Variants in ARHGAP20 observed in about 807,000 individuals in gnomAD.
The protein encoded by ARHGAP20 is Rho GTPase activating protein 20, also known as rho GTPase-activating protein 20.
ARHGAP20 carries 34 observed loss-of-function variants against 73.7 expected under a neutral mutation model. That is an observed-to-expected ratio of 0.46 (90% CI 0.35 to 0.61). ARHGAP20 has a LOEUF of 0.61. Among genes scored for constraint, ARHGAP20 ranks in the 20% least tolerant of loss-of-function variants. ARHGAP20 has a pLI of 0.00. For synonymous variants in ARHGAP20, 523 were observed against 518.2 expected, an observed-to-expected ratio of 1.01 and a Z score of -0.13; for missense variants, 1,314 against 1,420.9, an observed-to-expected ratio of 0.92 and a Z score of 1.21.
At chr11:110,684,419 G>A (rs866177477) in intron 2 of ARHGAP20, among the ~76,000 whole-genome samples, 1 of 152,012 alleles carries the variant, frequency 6.6e-6, no homozygotes, top group African/African-American at 2.4e-5. Context: ...CATATTATTG[G>A]TACATACTAA....
At chr11:110,670,085 A>G (rs879680596) in intron 2 of ARHGAP20, among the ~76,000 whole-genome samples, 6 of 152,094 alleles carry the variant, frequency 3.9e-5, no homozygotes, top group Non-Finnish European at 8.8e-5. Context: ...GGAAGGATGG[A>G]TTGCAAAGGC....
At chr11:110,592,234 G>A (rs1947847266) in intron 9 of ARHGAP20, 79 bp from the exon 10 acceptor site, 1 of 1,368,718 alleles carries the variant, frequency 7.3e-7, no homozygotes, top group African/African-American at 1.4e-5. Flanking sequence ...TTTATGGTAT[G>A]TTTGTTGCTA....
At chr11:110,604,834 T>C (rs1948187388) in intron 9 of ARHGAP20, among the ~76,000 whole-genome samples, 1 of 152,186 alleles carries the variant, frequency 6.6e-6, no homozygotes, top group Non-Finnish European at 1.5e-5. Flanking sequence ...TGGTAAAGTA[T>C]AAAGTTTGAG....
At chr11:110,643,618 G>C (rs1949122229) in intron 2 of ARHGAP20, among the ~76,000 whole-genome samples, 1 of 151,938 alleles carries the variant, frequency 6.6e-6, no homozygotes, top group South Asian at 2.1e-4. Flanking sequence ...TTATTGCATT[G>C]TGGTCTAAGA....
At chr11:110,637,051 G>T (rs1948983432) in intron 2 of ARHGAP20, among the ~76,000 whole-genome samples, 1 of 151,776 alleles carries the variant, frequency 6.6e-6, no homozygotes, top group African/African-American at 2.4e-5. Flanking sequence ...TTTTCAAATG[G>T]GTTTGTGAAA....
intron 2 of ARHGAP20, among the ~76,000 whole-genome samples, chr11:110,672,474 A>AT (rs11322397): frequency 4.7e-5 from 7 of 150,204 alleles, no homozygotes; most frequent in South Asian, 2.1e-4. Flanking sequence ...CAGATGGCTA[A>AT]TTTTTTTTTT....
intron 2 of ARHGAP20, among the ~76,000 whole-genome samples, chr11:110,676,993 T>A (rs1949945339): frequency 6.6e-6 from 1 of 152,138 alleles, no homozygotes; most frequent in Non-Finnish European, 1.5e-5. Context: ...GAAATTATTC[T>A]TTTCCAAAAA....
In ARHGAP20 at chr11:110,578,069, T is replaced by C. The variant is rs925674976; in HGVS notation, c.*1301A>G. On this transcript the variant is annotated 3_prime_UTR_variant, in exon 15 of 15. Coordinates refer to ENST00000683387, the MANE Select transcript of ARHGAP20 (RefSeq NM_001384657.1). ...GCACATCCATTTTTAGTGCCATCCC[T>C]GCATACTAGTTGGCAAGGCCTGATA... The C allele has an allele frequency of 2.1e-5, 21 of 985,308 alleles. No individual in the cohort carries two copies. The highest frequency in any genetic ancestry group is 5.2e-5 in the African/African-American group (3 of 57,250). 61.0% of individuals were successfully genotyped at this position (985,308 alleles called of 1,614,324 possible). A position where few individuals can be genotyped will look rare whatever the true frequency, so the allele number is the denominator to read the frequency against.
chr11:110,645,480 G>A (rs1208055540), intron 2 of ARHGAP20, among the ~76,000 whole-genome samples: 1 of 152,146 alleles, frequency 6.6e-6, no homozygotes, highest in Non-Finnish European at 1.5e-5. Context: ...ACAGATACTG[G>A]TGAGGCTACA....
In ARHGAP20 at chr11:110,578,644, C is replaced by T. The variant is rs953949315; in HGVS notation, c.*726G>A. On this transcript the variant is annotated 3_prime_UTR_variant, in exon 15 of 15. Transcript: ENST00000683387. Reference sequence around the variant, plus strand: ...AATGGGCAGCCATTTTCTTCTTTCTCCTCACAACTCTGTTTCCTGAAGCCT... The same window carrying T: ...AATGGGCAGCCATTTTCTTCTTTCTTCTCACAACTCTGTTTCCTGAAGCCT... The T allele has an allele frequency of 5.7e-5, 56 of 985,294 alleles. No individual in the cohort carries two copies. The African/African-American group carries it at 5.8e-4, about 10-fold the overall frequency. 61.0% of individuals were successfully genotyped at this position (985,294 alleles called of 1,614,324 possible). A position where few individuals can be genotyped will look rare whatever the true frequency, so the allele number is the denominator to read the frequency against.
intron 10 of ARHGAP20, among the ~76,000 whole-genome samples, 177 bp downstream of exon 10, chr11:110,591,800 C>T (rs1947835241): frequency 6.6e-6 from 1 of 152,176 alleles, no homozygotes; most frequent in African/African-American, 2.4e-5. Flanking sequence ...ATTATGTCTT[C>T]CTTCTGATTT....
At chr11:110,670,434 A>G (rs186646845) in intron 2 of ARHGAP20, among the ~76,000 whole-genome samples, 2 of 152,212 alleles carry the variant, frequency 1.3e-5, no homozygotes, top group Admixed American at 1.3e-4. Flanking sequence ...TAATTAAAAT[A>G]TTATGCATAA....
At chr11:110,689,750 C>T (rs1290970233) in intron 2 of ARHGAP20, among the ~76,000 whole-genome samples, 2 of 147,600 alleles carry the variant, frequency 1.4e-5, no homozygotes, top group South Asian at 2.1e-4. Flanking sequence ...CGGGGAAAGG[C>T]GGTCTCATAA....
At chr11:110,631,136 T>C (rs1023377229) in intron 2 of ARHGAP20, among the ~76,000 whole-genome samples, 1 of 152,226 alleles carries the variant, frequency 6.6e-6, no homozygotes, top group South Asian at 2.1e-4. Flanking sequence ...CACATCCCCC[T>C]GAATGCTTCA....
intron 2 of ARHGAP20, among the ~76,000 whole-genome samples, chr11:110,675,680 T>G (rs1002801378): frequency 6.6e-6 from 1 of 152,158 alleles, no homozygotes; most frequent in African/African-American, 2.4e-5. Context: ...ACTCACCTCC[T>G]GCTGTGCTGC....
At chr11:110,650,609 C>A (rs531099146) in intron 2 of ARHGAP20, among the ~76,000 whole-genome samples, 4 of 152,162 alleles carry the variant, frequency 2.6e-5, no homozygotes, top group Admixed American at 2.6e-4. Context: ...CACTCTATTG[C>A]TGGAATTATT....
intron 3 of ARHGAP20, among the ~76,000 whole-genome samples, chr11:110,625,259 G>A (rs540661239): frequency 2.0e-5 from 3 of 151,132 alleles, no homozygotes; most frequent in Non-Finnish European, 4.4e-5. Flanking sequence ...GGATGGTCTC[G>A]ATCTCTTGAC....
chr11:110,578,253 T>C lies in ARHGAP20; in HGVS notation c.*1117A>G, dbSNP rs769280527. ...GTCTGGAAGCAAAACCCAAAGCAAA[T>C]GGCTGTCTGAGAAGGCCTGGCAGCC... On this transcript the variant is annotated 3_prime_UTR_variant, in exon 15 of 15. Transcript: ENST00000683387. 5.1e-6 allele frequency: 5 copies of C among 985,438 alleles called. No individual in the cohort carries two copies. The highest frequency in any genetic ancestry group is 6.0e-6 in the Non-Finnish European group (5 of 829,934). 61.0% of individuals were successfully genotyped at this position (985,438 alleles called of 1,614,324 possible). A position where few individuals can be genotyped will look rare whatever the true frequency, so the allele number is the denominator to read the frequency against.
rs1947367152 is a variant in ARHGAP20 at position 110,579,230 on chromosome 11, T to C, written c.*140A>G. 2 of 1,364,582 alleles carry C rather than the reference T, an allele frequency of 1.5e-6. No homozygotes were observed. Among genetic ancestry groups the C allele is most frequent in the Non-Finnish European group, 1.9e-6 (2 of 1,056,842 alleles). The allele number at this position is 1,364,582 out of a possible 1,614,324, so 84.5% of individuals were successfully genotyped here. A position where few individuals can be genotyped will look rare whatever the true frequency, so the allele number is the denominator to read the frequency against. On this transcript the variant is annotated 3_prime_UTR_variant, in exon 15 of 15. Transcript: ENST00000683387. ...GTCAAGTAGTCTCAATAAAGAGAAT[T>C]ATTTCGTTGTCCTAAGTATTAGCAA...
Sources: gnomAD v4.1 joint callset for allele counts (sites outside exome capture counted in the v4.1 genomes callset) on GRCh38, gnomAD v4.1.1 for gene constraint, MANE v1.5 for transcripts, NCBI Gene and HGNC (gene_info 2026-07-23, HGNC 2026-07-21) for gene names.